The following CACNB2 variants were observed in gnomAD, a reference collection of about 807,000 sequenced individuals.
The protein encoded by CACNB2 is voltage-dependent L-type calcium channel subunit beta-2.
CACNB2 carries 42 observed loss-of-function variants against 73.3 expected under a neutral mutation model. The ratio of observed to expected loss-of-function variants is 0.57; its 90% CI spans 0.45 to 0.74. The LOEUF is 0.74. CACNB2 is among the 30% of genes least tolerant of loss of function. The probability of loss-of-function intolerance (pLI) is 0.00; values close to 1 mark genes in which losing one functional copy is unlikely to be tolerated. For synonymous variants in CACNB2, 348 were observed against 310.3 expected, an observed-to-expected ratio of 1.12 and a Z score of -1.28; for missense variants, 940 against 853.0, an observed-to-expected ratio of 1.10 and a Z score of -1.27.
intron 2 of CACNB2, among the ~76,000 whole-genome samples, chr10:18,298,888 T>C (rs1250053717): frequency 6.6e-6 from 1 of 151,994 alleles, no homozygotes; most frequent in African/African-American, 2.4e-5. Context: ...TTTGAGCTCT[T>C]AGATGGAGAC....
At chr10:18,319,946 G>C (rs576393324) in intron 2 of CACNB2, among the ~76,000 whole-genome samples, 8 of 152,148 alleles carry the variant, frequency 5.3e-5, no homozygotes, top group Non-Finnish European at 1.0e-4. Context: ...GAGGCCAGTG[G>C]TGAGGATAGC....
chr10:18,261,206 C>G, intron 2 of CACNB2: 1 of 1,549,838 alleles, frequency 6.5e-7, no homozygotes, highest in East Asian at 2.4e-5. Context: ...GAGGCTGTGA[C>G]GAGAAGACAA....
chr10:18,383,358 G>T (rs1051748751), intron 2 of CACNB2, among the ~76,000 whole-genome samples: 1 of 152,042 alleles, frequency 6.6e-6, no homozygotes, highest in Non-Finnish European at 1.5e-5. Flanking sequence ...GAATATAGAG[G>T]GGCTAGCAGA....
intron 2 of CACNB2, among the ~76,000 whole-genome samples, chr10:18,272,338 G>C (rs2038089252): frequency 6.6e-6 from 1 of 152,208 alleles, no homozygotes; most frequent in African/African-American, 2.4e-5. Flanking sequence ...CTACTTGGAA[G>C]ATGTGGGATC....
chr10:18,157,814 C>A (rs139214673), intron 2 of CACNB2, among the ~76,000 whole-genome samples: 1 of 152,144 alleles, frequency 6.6e-6, no homozygotes, highest in South Asian at 2.1e-4. Context: ...AAAATTCCTA[C>A]GACAAATACA....
Position 18,245,344 on chromosome 10 carries a change from G to A in CACNB2, c.213+94369G>A, listed in dbSNP as rs1271301977. 2.0e-5 allele frequency among the ~76,000 whole-genome samples: 3 copies of A among 151,992 alleles called. No homozygotes were observed. The East Asian group carries it at 5.8e-4, about 29-fold the overall frequency. On this transcript the variant is annotated intron_variant, in intron 2 of 13. Transcript: ENST00000324631. ...ATTTTTTTGTTCTTATTCGAGACAGGGTCTCACTCCGTTGCACAGGCTGGA... is the reference window on the plus strand; with the variant it reads ...ATTTTTTTGTTCTTATTCGAGACAGAGTCTCACTCCGTTGCACAGGCTGGA...
intron 2 of CACNB2, among the ~76,000 whole-genome samples, chr10:18,169,548 G>C (rs1269064292): frequency 6.6e-6 from 1 of 152,152 alleles, no homozygotes; most frequent in African/African-American, 2.4e-5. Context: ...TCTGAATAAA[G>C]TCATCTGAGT....
At chr10:18,429,145 T>C (rs894960416) in intron 3 of CACNB2, among the ~76,000 whole-genome samples, 2 of 152,216 alleles carry the variant, frequency 1.3e-5, no homozygotes, top group African/African-American at 4.8e-5. Flanking sequence ...AGGAAACTTA[T>C]TTATAGAAGA....
At chr10:18,477,859 A>G (rs1312886232) in intron 3 of CACNB2, among the ~76,000 whole-genome samples, 4 of 152,206 alleles carry the variant, frequency 2.6e-5, no homozygotes, top group African/African-American at 9.6e-5. Flanking sequence ...ACAAAAGGGA[A>G]GGCAACTTCT....
intron 9 of CACNB2, among the ~76,000 whole-genome samples, chr10:18,522,057 C>G (rs752514539): frequency 1.3e-5 from 2 of 152,084 alleles, no homozygotes; most frequent in Non-Finnish European, 2.9e-5. Context: ...AGATCAGCAG[C>G]GGCATTAGAT....
intron 2 of CACNB2, among the ~76,000 whole-genome samples, chr10:18,276,284 G>A (rs566338537): frequency 2.0e-5 from 3 of 152,306 alleles, no homozygotes; most frequent in Non-Finnish European, 4.4e-5. Flanking sequence ...AACGTCAATC[G>A]TGTACTTGCT....
At chr10:18,263,215 A>G (rs992645031) in intron 2 of CACNB2, among the ~76,000 whole-genome samples, 4 of 152,040 alleles carry the variant, frequency 2.6e-5, no homozygotes, top group African/African-American at 9.7e-5. Context: ...ATCGAAACCT[A>G]TTTTTTTCCT....
intron 3 of CACNB2, among the ~76,000 whole-genome samples, chr10:18,408,886 CTG>C (rs2044450464): frequency 1.3e-5 from 2 of 152,154 alleles, no homozygotes; most frequent in South Asian, 2.1e-4. Flanking sequence ...AGGTCTCACT[CTG>C]TTGCTGAGGC....
chr10:18,427,886 ACTTCT>A (rs566864092), intron 3 of CACNB2, among the ~76,000 whole-genome samples: 46 of 152,070 alleles, frequency 3.0e-4, no homozygotes, highest in East Asian at 1.7e-3. Context: ...TATTTCATTA[ACTTCT>A]CTTCTTTTTA....
intron 12 of CACNB2, among the ~76,000 whole-genome samples, chr10:18,537,455 CTTACCTTATTAATTTCTAAA>C (rs1379947182): frequency 6.6e-6 from 1 of 152,114 alleles, no homozygotes; most frequent in East Asian, 1.9e-4. Flanking sequence ...ACATCCTAAT[CTTACCTTATTAATTTCTAAA>C]TTCAGATTTC....
At chr10:18,406,493 T>C (rs2044295071) in intron 3 of CACNB2, among the ~76,000 whole-genome samples, 1 of 152,148 alleles carries the variant, frequency 6.6e-6, no homozygotes, top group Non-Finnish European at 1.5e-5. Flanking sequence ...TAGGTTCTCA[T>C]AGGAGTGCAA....
Position 18,398,701 on chromosome 10 carries a change from AC to A in CACNB2, c.214-3222del. On this transcript the variant is annotated intron_variant, in intron 2 of 13. Transcript: ENST00000324631. ...CACACACACACACACATACACACAC[AC>A]ACACACACACACAATTGTTTTTGTG... Among the ~76,000 whole-genome samples the A allele has an allele frequency of 2.0e-5, 3 of 148,478 alleles. No homozygotes were observed. The East Asian group carries it at 5.9e-4, about 29-fold the overall frequency.
At chr10:18,361,940 C>A (rs985936149) in intron 2 of CACNB2, among the ~76,000 whole-genome samples, 2 of 152,048 alleles carry the variant, frequency 1.3e-5, no homozygotes, top group Non-Finnish European at 2.9e-5. Flanking sequence ...TTGCTGTTTC[C>A]CAAAACCAAC....
chr10:18,497,462 C>T (rs547719355), intron 3 of CACNB2, among the ~76,000 whole-genome samples: 11 of 152,166 alleles, frequency 7.2e-5, no homozygotes, highest in South Asian at 6.2e-4. Context: ...CTTTGTCCCC[C>T]GGGCTGGAGT....
Sources: gnomAD v4.1 joint callset for allele counts (sites outside exome capture counted in the v4.1 genomes callset) on GRCh38, gnomAD v4.1.1 for gene constraint, MANE v1.5 for transcripts, NCBI Gene and HGNC (gene_info 2026-07-23, HGNC 2026-07-21) for gene names.